Variants in TET3 observed in about 807,000 individuals in gnomAD.
TET3 encodes the protein tet methylcytosine dioxygenase 3.
In TET3, 19 loss-of-function variants were observed where a neutral mutation model predicts 141.4. The observed-to-expected ratio is 0.13, with a 90% CI of 0.09 to 0.20. The LOEUF is 0.20. Among genes scored for constraint, TET3 ranks in the 10% least tolerant of loss-of-function variants. The pLI is 1.00. For missense variants in TET3, 1,874 were observed against 2,356.9 expected (o/e 0.80, Z 4.24); for synonymous variants, 1,043 against 980.9 (o/e 1.06, Z -1.18).
At chr2:74,065,950 G>A (rs1688876309) in intron 4 of TET3, among the ~76,000 whole-genome samples, 1 of 152,018 alleles carries the variant, frequency 6.6e-6, no homozygotes, top group South Asian at 2.1e-4. Flanking sequence ...GTAGAGATGG[G>A]GTTTCACTGT....
At chr2:74,021,676 G>A (rs535177113) in intron 3 of TET3, among the ~76,000 whole-genome samples, 31 of 152,316 alleles carry the variant, frequency 2.0e-4, no homozygotes, top group African/African-American at 6.7e-4. Flanking sequence ...GTCAGGCAGC[G>A]TTGATCTCTG....
At chr2:74,002,831 G>A in intron 2 of TET3, 1 of 570,136 alleles carries the variant, frequency 1.8e-6, no homozygotes, top group Non-Finnish European at 3.1e-6. Context: ...GGATGGCCGG[G>A]CGGACGCGGG....
chr2:74,122,511 A>ATATTTTTTTTTT, the TET3 span: 1 of 47,556 alleles, frequency 2.1e-5, no homozygotes, highest in Non-Finnish European at 3.8e-5. Context: ...ATATATATAT[A>ATATTTTTTTTTT]TTTTTTTTTT....
chr2:74,129,707 T>C, the TET3 span, among the ~76,000 whole-genome samples: 1 of 152,198 alleles, frequency 6.6e-6, no homozygotes, highest in African/African-American at 2.4e-5. Flanking sequence ...TGTGATCATC[T>C]TTTGTGCCCC....
chr2:74,027,267 A>T (rs768791367), intron 3 of TET3, among the ~76,000 whole-genome samples: 2 of 151,432 alleles, frequency 1.3e-5, no homozygotes, highest in Non-Finnish European at 2.9e-5. Context: ...CAGATGAAGG[A>T]TCAATGTGTG....
At chr2:74,123,963 A>T in the TET3 span, among the ~76,000 whole-genome samples, 1 of 150,900 alleles carries the variant, frequency 6.6e-6, no homozygotes, top group Non-Finnish European at 1.5e-5. Flanking sequence ...CCCATCTGGG[A>T]GGTGAGGAGC....
downstream of TET3, among the ~76,000 whole-genome samples, chr2:74,110,106 A>C (rs1052422708): frequency 6.6e-6 from 1 of 151,866 alleles, no homozygotes; most frequent in African/African-American, 2.4e-5. Flanking sequence ...CTCTTGACAT[A>C]TGCAAAGCTT....
chr2:74,083,746 G>A (rs1225963366), intron 6 of TET3, among the ~76,000 whole-genome samples: 1 of 152,182 alleles, frequency 6.6e-6, no homozygotes, highest in Non-Finnish European at 1.5e-5. Context: ...ACAGATAGCT[G>A]TCTGCTTGTG....
the TET3 span, among the ~76,000 whole-genome samples, chr2:74,120,529 G>A: frequency 5.9e-5 from 9 of 152,240 alleles, no homozygotes; most frequent in Non-Finnish European, 7.3e-5. Context: ...AGGCGGCCCT[G>A]CAGGCGTCGT....
intron 3 of TET3, among the ~76,000 whole-genome samples, chr2:74,004,523 G>A (rs1402031628): frequency 1.3e-5 from 2 of 152,218 alleles, no homozygotes; most frequent in Non-Finnish European, 2.9e-5. Context: ...CTTGAGGCAA[G>A]TAAGTGCTTG....
chr2:74,021,227 C>T (rs996586730), intron 3 of TET3, among the ~76,000 whole-genome samples: 3 of 152,210 alleles, frequency 2.0e-5, no homozygotes, highest in African/African-American at 7.2e-5. Flanking sequence ...AGCTGCATCT[C>T]TGCCAGCTCT....
intron 5 of TET3, among the ~76,000 whole-genome samples, chr2:74,074,118 T>C (rs1314206426): frequency 1.3e-5 from 2 of 152,166 alleles, no homozygotes; most frequent in Non-Finnish European, 2.9e-5. Flanking sequence ...TCCTGGCCAG[T>C]GGAAACCTAC....
rs780866615 is a variant in TET3 at position 74,047,054 on chromosome 2, G to A, written c.1137G>A (p.Gln379=). The A allele has an allele frequency of 6.2e-7, 1 of 1,613,858 alleles. No homozygotes were observed. Among genetic ancestry groups the A allele is most frequent in the Non-Finnish European group, 8.5e-7 (1 of 1,179,824 alleles). ...ALPQPSHSTP[Q]ASCPLPEALS... is the part of the protein sequence containing the mutation. ...CGCAGCCTTCTCATTCCACCCCCCA[G>A]GCTTCTTGCCCCCTTCCTGAGGCCT... Residue 379 remains glutamine (Q), a synonymous_variant, in exon 4 of 12, where the codon CAG becomes CAA. Transcript: ENST00000409262.
intron 4 of TET3, among the ~76,000 whole-genome samples, chr2:74,070,577 A>G (rs928685780): frequency 6.6e-6 from 1 of 152,132 alleles, no homozygotes; most frequent in Admixed American, 6.5e-5. Flanking sequence ...CAGGTTTCTG[A>G]TTTTCATTGC....
the TET3 span, among the ~76,000 whole-genome samples, chr2:74,123,944 G>A: frequency 9.9e-5 from 15 of 151,020 alleles, no homozygotes; most frequent in African/African-American, 3.7e-4. Flanking sequence ...GTCTCTGCCC[G>A]ACTGCCACCC....
At chr2:74,092,852 G>T (rs750447746) in intron 8 of TET3, 50 bp from the exon 9 acceptor site, 17 of 1,495,146 alleles carry the variant, frequency 1.1e-5, no homozygotes, top group Non-Finnish European at 1.6e-5. Flanking sequence ...AGGGTGCAGG[G>T]TCTGCCAGGC....
intron 3 of TET3, among the ~76,000 whole-genome samples, chr2:74,027,553 AACCACTT>A (rs1045388969): frequency 2.6e-5 from 4 of 152,138 alleles, no homozygotes; most frequent in African/African-American, 9.7e-5. Context: ...AGCCCCTGGC[AACCACTT>A]ATCTTTCTGT....
intron 5 of TET3, among the ~76,000 whole-genome samples, chr2:74,077,421 A>G (rs564404682): frequency 6.6e-6 from 1 of 152,338 alleles, no homozygotes; most frequent in South Asian, 2.1e-4. Flanking sequence ...TTAGAATAAG[A>G]TGATTGGCTT....
Position 74,047,882 on chromosome 2 carries a change from T to C in TET3, c.1965T>C (p.Ala655=). The C allele has an allele frequency of 3.1e-6, 5 of 1,613,276 alleles. No individual in the cohort carries two copies. The highest frequency in any genetic ancestry group is 1.7e-4 in the Middle Eastern group (1 of 6,058). The part of the protein sequence containing the change: ...PAPLPASQGS[A]VPLPPEPSLA... ...CTCTGCCTGCCTCACAGGGCTCTGC[T>C]GTGCCCCTGCCCCCAGAACCTTCTC... The change falls in exon 4 of 12, where the codon GCT becomes GCC. Residue 655 remains alanine (A), a synonymous_variant. Coordinates refer to ENST00000409262, the MANE Select transcript of TET3 (RefSeq NM_001287491.2).
Sources: allele counts gnomAD v4.1 joint callset (sites outside exome capture counted in the v4.1 genomes callset), GRCh38; gene constraint gnomAD v4.1.1; transcripts MANE v1.5; gene names NCBI Gene and HGNC (gene_info 2026-07-23, HGNC 2026-07-21).